PAPSS2: variants seen among roughly 807,000 people sequenced by gnomAD.
PAPSS2 encodes the protein bifunctional 3'-phosphoadenosine 5'-phosphosulfate synthase 2.
In PAPSS2, 61 loss-of-function variants were observed where a neutral mutation model predicts 66.5. That is an observed-to-expected ratio of 0.92 (90% confidence interval 0.75 to 1.14). PAPSS2 has a LOEUF of 1.14. PAPSS2 is among the 50% of genes most tolerant of loss of function. The pLI, the probability that PAPSS2 is intolerant of heterozygous loss-of-function variation, is 0.00. For missense variants in PAPSS2, 708 were observed against 789.6 expected (o/e 0.90, Z 1.24); for synonymous variants, 289 against 287.5 (o/e 1.01, Z -0.05).
In PAPSS2 at chr10:87,714,792, C is replaced by T. The variant is rs772494509; in HGVS notation, c.568C>T (p.Arg190Cys). 9.6e-5 allele frequency: 155 copies of T among 1,613,144 alleles called. No homozygotes were observed. Among genetic ancestry groups the T allele is most frequent in the Middle Eastern group, 1.6e-4 (1 of 6,082 alleles). ...TTATGAGAAACCTGAAACTCCTGAG[C>T]GTGTGCTTAAAACCAATTTGTCCAC... is the stretch of plus-strand genomic sequence containing the variant. ...SDYEKPETPE[R>C]VLKTNLSTVS... Residue 190 changes from arginine to cysteine, a missense_variant, in exon 5 of 13, where the codon CGT (arginine) becomes TGT (cysteine). Arg to Cys is a radical substitution (Grantham distance 180, BLOSUM62 -3). Transcript: ENST00000456849.
intron 1 of PAPSS2, among the ~76,000 whole-genome samples, chr10:87,671,591 T>C (rs1006535268): frequency 6.6e-6 from 1 of 152,228 alleles, no homozygotes; most frequent in East Asian, 1.9e-4. Context: ...ATGTGAGTGC[T>C]GCACAGTCGA....
intron 1 of PAPSS2, among the ~76,000 whole-genome samples, chr10:87,665,854 A>G (rs1228340877): frequency 1.3e-5 from 2 of 152,166 alleles, no homozygotes; most frequent in African/African-American, 4.8e-5. Context: ...ATGCCCCATA[A>G]GGATAAAAGT....
At chr10:87,697,755 C>G (rs1853252288) in intron 1 of PAPSS2, among the ~76,000 whole-genome samples, 1 of 152,176 alleles carries the variant, frequency 6.6e-6, no homozygotes, top group African/African-American at 2.4e-5. Context: ...CTGAAAAAGC[C>G]AGGGCTGGGT....
In PAPSS2 at chr10:87,709,228, T is replaced by C. The variant is rs770278669; in HGVS notation, c.60T>C (p.Tyr20=). 7 of 1,613,308 alleles carry C rather than the reference T, an allele frequency of 4.3e-6. No homozygotes were observed. In the African/African-American group the frequency reaches 8.0e-5, roughly 18 times the overall value. Residue 20 remains tyrosine (Y), a synonymous_variant, in exon 2 of 13, where the codon TAT becomes TAC. Transcript: ENST00000456849. ...ENQQKSTNVV[Y]QAHHVSRNKR... ...AGCAGAAATCCACCAATGTAGTCTA[T>C]CAGGCCCACCATGTGAGCAGGAATA...
intron 1 of PAPSS2, among the ~76,000 whole-genome samples, chr10:87,693,855 G>C (rs1302021494): frequency 1.3e-5 from 2 of 152,192 alleles, no homozygotes; most frequent in Non-Finnish European, 2.9e-5. Flanking sequence ...GGCTTTTTCT[G>C]TGGTGGGGCC....
chr10:87,679,193 T>G (rs1313212840), intron 1 of PAPSS2, among the ~76,000 whole-genome samples: 1 of 152,134 alleles, frequency 6.6e-6, no homozygotes, highest in Non-Finnish European at 1.5e-5. Context: ...GGACAAACAT[T>G]GCGTGTTTTC....
chr10:87,733,618 A>C (rs930998206), intron 9 of PAPSS2, among the ~76,000 whole-genome samples: 14 of 152,086 alleles, frequency 9.2e-5, no homozygotes, highest in African/African-American at 3.4e-4. Flanking sequence ...AGCTTTACAA[A>C]TCACCCATGA....
chr10:87,716,637 T>C (rs1343369982), intron 7 of PAPSS2, among the ~76,000 whole-genome samples: 2 of 152,126 alleles, frequency 1.3e-5, no homozygotes, highest in South Asian at 2.1e-4. Flanking sequence ...TAAGATGCTC[T>C]TTTTTGGGAG....
intron 8 of PAPSS2, among the ~76,000 whole-genome samples, chr10:87,725,875 A>G (rs1853652386): frequency 6.9e-6 from 1 of 144,168 alleles, no homozygotes; most frequent in Non-Finnish European, 1.5e-5. Context: ...TAAAAAAAAT[A>G]TGTGTGTATA....
rs368255096 is a variant in PAPSS2, at chr10:87,710,829, T to C, written c.145+1516T>C. Among the ~76,000 whole-genome samples the C allele has an allele frequency of 3.3e-5, 5 of 152,024 alleles. No individual in the cohort carries two copies. The East Asian group carries it at 9.7e-4, about 29-fold the overall frequency. On this transcript the variant is annotated intron_variant, in intron 2 of 12. Coordinates refer to ENST00000456849, the MANE Select transcript of PAPSS2 (RefSeq NM_001015880.2). The stretch of plus-strand genomic sequence containing the variant: ...CAGCCTGGCCAACACAGCGAAACCC[T>C]GTCTCTCTACTAAGAAGACAAAAAT...
intron 1 of PAPSS2, among the ~76,000 whole-genome samples, chr10:87,674,806 C>T (rs1852925469): frequency 6.6e-6 from 1 of 152,052 alleles, no homozygotes; most frequent in African/African-American, 2.4e-5. Context: ...CATTTTGTTA[C>T]CGTAATTCTT....
At chr10:87,740,130 CCTGATAATTCAAGGAAAACAG>C (rs1292342372) in intron 9 of PAPSS2, among the ~76,000 whole-genome samples, 1 of 152,010 alleles carries the variant, frequency 6.6e-6, no homozygotes, top group African/African-American at 2.4e-5. Context: ...ACAAAGGGAA[CCTGATAATTCAAGGAAAACAG>C]CTGAGAGTAT....
intron 9 of PAPSS2, among the ~76,000 whole-genome samples, chr10:87,736,929 C>T (rs1266403762): frequency 6.6e-6 from 1 of 152,140 alleles, no homozygotes; most frequent in East Asian, 1.9e-4. Flanking sequence ...CATGGCTGAG[C>T]TCTCTCCACA....
chr10:87,729,918 C>T (rs938406910), intron 9 of PAPSS2, among the ~76,000 whole-genome samples: 3 of 152,068 alleles, frequency 2.0e-5, no homozygotes, highest in African/African-American at 7.2e-5. Flanking sequence ...ATCGCTTGAA[C>T]CCAGGAAGTG....
At chr10:87,705,229 T>C (rs955105304) in intron 1 of PAPSS2, among the ~76,000 whole-genome samples, 1 of 152,212 alleles carries the variant, frequency 6.6e-6, no homozygotes, top group East Asian at 1.9e-4. Context: ...TGTTTTCCAT[T>C]CATTATCATC....
intron 1 of PAPSS2, among the ~76,000 whole-genome samples, chr10:87,701,328 CT>C (rs1241356735): frequency 0.039 from 1,977 of 50,640 alleles, 28 homozygotes; most frequent in Middle Eastern, 0.083. Flanking sequence ...TCCTTCCTTC[CT>C]TTCTTTCTTT....
At chr10:87,734,701 A>ATG (rs1564727401) in intron 9 of PAPSS2, among the ~76,000 whole-genome samples, 26 of 129,902 alleles carry the variant, frequency 2.0e-4, no homozygotes, top group East Asian at 6.7e-4. Context: ...ATATATATAT[A>ATG]TATATGTATG....
intron 1 of PAPSS2, among the ~76,000 whole-genome samples, chr10:87,666,804 G>T (rs535447055): frequency 2.0e-5 from 3 of 152,246 alleles, no homozygotes; most frequent in African/African-American, 7.2e-5. Flanking sequence ...CTACTCCCAG[G>T]AGTGTAGGAA....
chr10:87,746,630 T>C lies in PAPSS2; in HGVS notation c.*660T>C, dbSNP rs1853944456. On this transcript the variant is annotated 3_prime_UTR_variant, in exon 13 of 13. Transcript: ENST00000456849. ...TTATATTGTCTAATAAGAGAAGTCT[T>C]AATGGCCTCTGTGAATAATGTAACT... 1 of 152,242 alleles carries C rather than the reference T, an allele frequency of 6.6e-6. No individual in the cohort carries two copies. 9.4% of individuals were successfully genotyped at this position (152,242 alleles called of 1,614,324 possible).
Sources: gnomAD v4.1 joint callset for allele counts (sites outside exome capture counted in the v4.1 genomes callset) on GRCh38, gnomAD v4.1.1 for gene constraint, MANE v1.5 for transcripts, NCBI Gene and HGNC (gene_info 2026-07-23, HGNC 2026-07-21) for gene names.